C5orf24: variants seen among roughly 807,000 people sequenced by gnomAD.
C5orf24 encodes chromosome 5 open reading frame 24.
A neutral mutation model predicts 9.8 loss-of-function variants in C5orf24; 4 were observed. The ratio of observed to expected loss-of-function variants is 0.41; its 90% CI spans 0.20 to 0.93. The LOEUF is 0.93. Ranked by LOEUF, C5orf24 falls within the 40% of genes least tolerant of loss-of-function variation. The pLI is 0.33. For synonymous variants in C5orf24, 73 were observed against 81.3 expected, an observed-to-expected ratio of 0.90 and a Z score of 0.55; for missense variants, 170 against 236.9, an observed-to-expected ratio of 0.72 and a Z score of 1.85.
chr5:134,858,060 G>A lies in C5orf24; in HGVS notation c.*2593G>A, dbSNP rs895512682. 1.9e-4 allele frequency: 32 copies of A among 166,998 alleles called. No individual in the cohort carries two copies. The highest frequency in any genetic ancestry group is 7.7e-4 in the African/African-American group (32 of 41,424). 10.3% of individuals were successfully genotyped at this position (166,998 alleles called of 1,614,324 possible). A position where few individuals can be genotyped will look rare whatever the true frequency, so the allele number is the denominator to read the frequency against. On this transcript the variant is annotated 3_prime_UTR_variant, in exon 2 of 2. Coordinates refer to ENST00000394976, the MANE Select transcript of C5orf24 (RefSeq NM_001135586.1). ...ATTTTGTATACATGTTTATGAAATG[G>A]TGAGATCAACTAAAGGAGGCATGTT...
At chr5:134,834,249 T>C in the C5orf24 span, among the ~76,000 whole-genome samples, 1 of 152,172 alleles carries the variant, frequency 6.6e-6, no homozygotes, top group Non-Finnish European at 1.5e-5. Flanking sequence ...AAGCTTTTCA[T>C]TTGAACTTGG....
chr5:134,835,419 G>A, the C5orf24 span, among the ~76,000 whole-genome samples: 2 of 152,194 alleles, frequency 1.3e-5, no homozygotes, highest in Non-Finnish European at 2.9e-5. Flanking sequence ...GGAGGCCGAA[G>A]TGGGCAGATC....
At chr5:134,854,816 G>T in intron 1 of C5orf24, 82 bp from the exon 2 acceptor site, 1 of 1,465,082 alleles carries the variant, frequency 6.8e-7, no homozygotes, top group South Asian at 1.2e-5. Context: ...TTGGAAGACA[G>T]ACTGTTTTCT....
Position 134,858,553 on chromosome 5 carries a change from C to T in C5orf24, c.*3086C>T, listed in dbSNP as rs1756370441. On this transcript the variant is annotated 3_prime_UTR_variant, in exon 2 of 2. Coordinates refer to ENST00000394976, the MANE Select transcript of C5orf24 (RefSeq NM_001135586.1). ...TTATACAGTGTAATTCTGTTCTTCA[C>T]AAAATAGGTTTCATTATTCTATATT... 1 of 166,930 alleles carries T rather than the reference C, an allele frequency of 6.0e-6. No individual in the cohort carries two copies. Among genetic ancestry groups the T allele is most frequent in the Non-Finnish European group, 1.5e-5 (1 of 68,098 alleles). The allele number at this position is 166,930 out of a possible 1,614,324, so 10.3% of individuals were successfully genotyped here. A position where few individuals can be genotyped will look rare whatever the true frequency, so the allele number is the denominator to read the frequency against.
At chr5:134,849,736 C>T (rs1017637627) in intron 1 of C5orf24, among the ~76,000 whole-genome samples, 1 of 141,624 alleles carries the variant, frequency 7.1e-6, no homozygotes. Flanking sequence ...CAGCTCACTG[C>T]AACCTCTGCC....
At chr5:134,852,626 C>G (rs967128724) in intron 1 of C5orf24, among the ~76,000 whole-genome samples, 5 of 152,202 alleles carry the variant, frequency 3.3e-5, no homozygotes, top group African/African-American at 1.2e-4. Context: ...ACAAATATCT[C>G]CTAACAACTT....
chr5:134,858,531 TAC>T lies in C5orf24; in HGVS notation c.*3066_*3067del, dbSNP rs1756369844. On this transcript the variant is annotated 3_prime_UTR_variant, in exon 2 of 2. Transcript: ENST00000394976. ...CTTGAAAGGTAAATTGCTAATTTTA[TAC>T]AGTGTAATTCTGTTCTTCACAAAAT... The T allele has an allele frequency of 1.2e-5, 2 of 167,062 alleles. No homozygotes were observed. The highest frequency in any genetic ancestry group is 6.5e-5 in the Admixed American group (1 of 15,282). The allele number at this position is 167,062 out of a possible 1,614,324, so 10.3% of individuals were successfully genotyped here.
At chr5:134,835,938 ATCC>A in the C5orf24 span, among the ~76,000 whole-genome samples, 8 of 152,004 alleles carry the variant, frequency 5.3e-5, no homozygotes, top group African/African-American at 1.9e-4. Context: ...GCCTCAGGCA[ATCC>A]TCCTTCCTCT....
intron 1 of C5orf24, among the ~76,000 whole-genome samples, chr5:134,848,658 CAAAA>C (rs35768120): frequency 1.3e-4 from 5 of 37,572 alleles, no homozygotes; most frequent in African/African-American, 5.7e-4. Flanking sequence ...AACTCCGTCT[CAAAA>C]AAAAAAAAAA....
intron 1 of C5orf24, among the ~76,000 whole-genome samples, chr5:134,853,937 G>A (rs78388092): frequency 0.014 from 2,158 of 152,064 alleles, 52 homozygotes; most frequent in African/African-American, 0.049. Context: ...AAAATTAGCC[G>A]AACATGGTGG....
At position 134,855,472 on chromosome 5, in the gene C5orf24, G is replaced by C. The variant is rs757285003; in HGVS notation, c.*5G>C. On this transcript the variant is annotated 3_prime_UTR_variant, in exon 2 of 2. Coordinates refer to ENST00000394976, the MANE Select transcript of C5orf24 (RefSeq NM_001135586.1). The stretch of plus-strand genomic sequence containing the variant: ...GTCAAACCACCCAATGAGTGAATGA[G>C]GCAGGAAAAGAGGGCCAGGTTTAGA... The C allele has an allele frequency of 6.2e-7, 1 of 1,613,596 alleles. No individual in the cohort carries two copies. Among genetic ancestry groups the C allele is most frequent in the Admixed American group, 1.7e-5 (1 of 59,730 alleles).
Position 134,858,283 on chromosome 5 carries a change from G to A in C5orf24, c.*2816G>A, listed in dbSNP as rs1437249210. On this transcript the variant is annotated 3_prime_UTR_variant, in exon 2 of 2. Coordinates refer to ENST00000394976, the MANE Select transcript of C5orf24 (RefSeq NM_001135586.1). Reference sequence around the variant, plus strand: ...CTTTTCTCCCTGTGAACAGTTTACCGGTGCCATGCTGAAGAGAAAGACATC... The same window carrying A: ...CTTTTCTCCCTGTGAACAGTTTACCAGTGCCATGCTGAAGAGAAAGACATC... 6.0e-6 allele frequency: 1 copy of A among 166,974 alleles called. No individual in the cohort carries two copies. The highest frequency in any genetic ancestry group is 1.5e-5 in the Non-Finnish European group (1 of 68,112). 10.3% of individuals were successfully genotyped at this position (166,974 alleles called of 1,614,324 possible).
At position 134,849,172 on chromosome 5, in the gene C5orf24, T is replaced by C. The variant is rs193183556; in HGVS notation, c.-4+2960T>C. 3.0e-3 allele frequency among the ~76,000 whole-genome samples: 460 copies of C among 152,110 alleles called. 2 individuals are homozygous for C. Among genetic ancestry groups the C allele is most frequent in the African/African-American group, 0.011 (442 of 41,476 alleles). ...TCGGAGGCTGAGGCAGGAGAATCGC[T>C]TAAACCGGGGTTCCAGAGGTTGCAG... On this transcript the variant is annotated intron_variant, in intron 1 of 1. Transcript: ENST00000394976.
rs34043118 is a variant in C5orf24, at chr5:134,850,994, A to ATATTTATT, written c.-3-3870_-3-3863dup. Among the ~76,000 whole-genome samples the ATATTTATT allele has an allele frequency of 3.2e-3, 472 of 147,600 alleles. 6 individuals carry two copies. Among genetic ancestry groups the ATATTTATT allele is most frequent in the East Asian group, 0.025 (127 of 5,056 alleles). Reference sequence around the variant, plus strand: ...ATATTTTATACATACAGAAATACATATATTTATTTATTTATTTATTTATTT... The same window carrying ATATTTATT: ...ATATTTTATACATACAGAAATACATATATTTATTTATTTATTTATTTATTTATTTATTT... On this transcript the variant is annotated intron_variant, in intron 1 of 1. Transcript: ENST00000394976.
At position 134,855,990 on chromosome 5, in the gene C5orf24, A is replaced by G. The variant is rs1561888959; in HGVS notation, c.*523A>G. On this transcript the variant is annotated 3_prime_UTR_variant, in exon 2 of 2. Transcript: ENST00000394976. ...TGCTTTGGCATTTACATCCACTTCA[A>G]ATGTTAAAAAACTTATTTTTAATGT... 2 of 1,002,062 alleles carry G rather than the reference A, an allele frequency of 2.0e-6. No individual in the cohort carries two copies. The highest frequency in any genetic ancestry group is 2.4e-6 in the Non-Finnish European group (2 of 831,362). The allele number at this position is 1,002,062 out of a possible 1,614,324, so 62.1% of individuals were successfully genotyped here. A position where few individuals can be genotyped will look rare whatever the true frequency, so the allele number is the denominator to read the frequency against.
the C5orf24 span, among the ~76,000 whole-genome samples, chr5:134,834,353 A>G: frequency 6.6e-6 from 1 of 152,132 alleles, no homozygotes. Context: ...CTGAAATCCT[A>G]GGAGGCTCTC....
intron 1 of C5orf24, among the ~76,000 whole-genome samples, chr5:134,850,809 C>T (rs2150174028): frequency 6.6e-6 from 1 of 151,630 alleles, no homozygotes; most frequent in South Asian, 2.1e-4. Context: ...ATGTTTTTTT[C>T]AGTGTGGATT....
intron 1 of C5orf24, among the ~76,000 whole-genome samples, chr5:134,853,360 TAAAAA>T (rs397884485): frequency 3.9e-5 from 3 of 77,000 alleles, no homozygotes; most frequent in African/African-American, 1.5e-4. Context: ...AAACTCCACC[TAAAAA>T]AAAAAAAAAA....
rs991188320 is a variant in C5orf24, at chr5:134,855,754, T to C, written c.*287T>C. On this transcript the variant is annotated 3_prime_UTR_variant, in exon 2 of 2. Coordinates refer to ENST00000394976, the MANE Select transcript of C5orf24 (RefSeq NM_001135586.1). ...CATGTCTCATGTTTCATTACTACTT[T>C]GGGGCTGTTCTAAATAGATGCTTTA... The C allele has an allele frequency of 7.8e-7, 1 of 1,287,780 alleles. No homozygotes were observed. Among genetic ancestry groups the C allele is most frequent in the Admixed American group, 4.0e-5 (1 of 24,948 alleles). 79.8% of individuals were successfully genotyped at this position (1,287,780 alleles called of 1,614,324 possible).
Sources: allele counts gnomAD v4.1 joint callset (sites outside exome capture counted in the v4.1 genomes callset), GRCh38; gene constraint gnomAD v4.1.1; transcripts MANE v1.5; gene names NCBI Gene and HGNC (gene_info 2026-07-23, HGNC 2026-07-21).